The following HS2ST1 variants were observed in gnomAD, a reference collection of about 807,000 sequenced individuals.
The protein encoded by HS2ST1 is heparan sulfate 2-O-sulfotransferase 1.
In HS2ST1, 18 loss-of-function variants were observed where a neutral mutation model predicts 42.9. That is an observed-to-expected ratio of 0.42 (90% CI 0.29 to 0.62). The LOEUF (loss-of-function observed/expected upper bound fraction) is 0.62, where lower values mean the gene tolerates loss of function less well. Among genes scored for constraint, HS2ST1 ranks in the 20% least tolerant of loss-of-function variants. The pLI is 0.21. For missense variants in HS2ST1, 334 were observed against 433.8 expected, an observed-to-expected ratio of 0.77 and a Z score of 2.04; for synonymous variants, 146 against 152.9, an observed-to-expected ratio of 0.95 and a Z score of 0.33.
At chr1:86,939,112 T>C (rs1228079873) in intron 1 of HS2ST1, among the ~76,000 whole-genome samples, 8 of 152,214 alleles carry the variant, frequency 5.3e-5, no homozygotes, top group Non-Finnish European at 1.2e-4. Context: ...CTGAGGTTAC[T>C]TTCAGTCTTG....
chr1:87,098,051 A>G (rs1652112046), intron 5 of HS2ST1, 116 bp downstream of exon 5: 1 of 1,500,440 alleles, frequency 6.7e-7, no homozygotes, highest in East Asian at 2.4e-5. Flanking sequence ...ACTAAAAATA[A>G]CATGTAATTC....
At chr1:86,977,516 T>C (rs1648454754) in intron 1 of HS2ST1, among the ~76,000 whole-genome samples, 8 of 152,264 alleles carry the variant, frequency 5.3e-5, no homozygotes, top group Admixed American at 5.2e-4. Context: ...TAAAATAATG[T>C]GACTATTGTG....
chr1:86,982,291 A>G (rs1380164857), intron 1 of HS2ST1, among the ~76,000 whole-genome samples: 5 of 152,036 alleles, frequency 3.3e-5, no homozygotes, highest in Non-Finnish European at 7.4e-5. Flanking sequence ...CTCTAGAGAC[A>G]TTTTCTCCAT....
chr1:86,929,626 G>A (rs911877653), intron 1 of HS2ST1, among the ~76,000 whole-genome samples: 1 of 151,736 alleles, frequency 6.6e-6, no homozygotes, highest in African/African-American at 2.4e-5. Flanking sequence ...GTTTTTGCAT[G>A]TGTATATGTA....
chr1:86,981,894 C>A (rs1648605377), intron 1 of HS2ST1, among the ~76,000 whole-genome samples: 1 of 152,238 alleles, frequency 6.6e-6, no homozygotes, highest in African/African-American at 2.4e-5. Context: ...GGGCTCCAAC[C>A]CCACATTTCC....
At chr1:86,987,328 C>T (rs1044784089) in intron 1 of HS2ST1, among the ~76,000 whole-genome samples, 1 of 151,984 alleles carries the variant, frequency 6.6e-6, no homozygotes, top group Non-Finnish European at 1.5e-5. Context: ...TATGCCTCGG[C>T]CCCCCAAAGT....
intron 1 of HS2ST1, among the ~76,000 whole-genome samples, chr1:87,004,478 T>G (rs1649380373): frequency 6.6e-6 from 1 of 152,198 alleles, no homozygotes; most frequent in Non-Finnish European, 1.5e-5. Flanking sequence ...ATTTTTTTCC[T>G]TACCCTTTTG....
rs543400784 is a variant in HS2ST1, at chr1:87,012,215, T to C, written c.125-60719T>C. On this transcript the variant is annotated intron_variant, in intron 1 of 6. Coordinates refer to ENST00000370550, the MANE Select transcript of HS2ST1 (RefSeq NM_012262.4). ...TTTCTATCACTGTCAATATTTGTAT[T>C]AGTCTGTTCTCACACTGCTAATAAA... is the stretch of plus-strand genomic sequence containing the variant. Among the ~76,000 whole-genome samples the C allele has an allele frequency of 3.9e-5, 6 of 152,294 alleles. No individual in the cohort carries two copies. The East Asian group carries it at 1.2e-3, about 29-fold the overall frequency.
At chr1:87,052,854 A>G (rs1650870649) in intron 1 of HS2ST1, among the ~76,000 whole-genome samples, 1 of 152,228 alleles carries the variant, frequency 6.6e-6, no homozygotes, top group African/African-American at 2.4e-5. Context: ...TAATAAGCCA[A>G]CAGAAATGCC....
In HS2ST1 at chr1:87,088,583, G is replaced by A. The variant is rs1570540310; in HGVS notation, c.450-3948G>A. On this transcript the variant is annotated intron_variant, in intron 3 of 6. Transcript: ENST00000370550. ...ACTTCTCTTGGATAAAAACCTCAAA[G>A]TGGGATGGCTGGATTGTATGGTAAC... 7.2e-5 allele frequency among the ~76,000 whole-genome samples: 11 copies of A among 152,126 alleles called. No homozygotes were observed. In the South Asian group the frequency reaches 2.3e-3, roughly 32 times the overall value.
At chr1:87,015,354 T>C (rs1272521481) in intron 1 of HS2ST1, among the ~76,000 whole-genome samples, 2 of 149,596 alleles carry the variant, frequency 1.3e-5, no homozygotes, top group Non-Finnish European at 3.0e-5. Flanking sequence ...CCCTGTTTTT[T>C]TTTTTTTTTT....
intron 1 of HS2ST1, among the ~76,000 whole-genome samples, chr1:87,039,612 G>A (rs1372141485): frequency 6.6e-6 from 1 of 152,176 alleles, no homozygotes; most frequent in Non-Finnish European, 1.5e-5. Flanking sequence ...TCCAGGACAG[G>A]TGTCATCCAT....
chr1:87,079,864 C>CA (rs1224652167), intron 2 of HS2ST1, among the ~76,000 whole-genome samples: 2,013 of 95,340 alleles, frequency 0.021, 43 homozygotes, highest in African/African-American at 0.065. Flanking sequence ...AACAACTCTA[C>CA]AAAAAAAAAA....
In HS2ST1 at chr1:86,982,214, T is replaced by TAC. The variant is rs569129756; in HGVS notation, c.124+67055_124+67056dup. Among the ~76,000 whole-genome samples, 56 of 152,270 alleles carry TAC rather than the reference T, an allele frequency of 3.7e-4. No homozygotes were observed. In the East Asian group the frequency reaches 9.3e-3, roughly 25 times the overall value. On this transcript the variant is annotated intron_variant, in intron 1 of 6. Coordinates refer to ENST00000370550, the MANE Select transcript of HS2ST1 (RefSeq NM_012262.4). ...AGAGCAGCAGAGGCCCAGCTGATGA[T>TAC]ACCACTGTTCCTTCTTAGGCCTCTG...
intron 1 of HS2ST1, among the ~76,000 whole-genome samples, chr1:87,068,768 A>G (rs966339236): frequency 6.6e-6 from 1 of 152,364 alleles, no homozygotes; most frequent in East Asian, 1.9e-4. Flanking sequence ...GTAACGCTAT[A>G]TACTATATTC....
At chr1:86,915,226 C>G in intron 1 of HS2ST1, 66 bp downstream of exon 1, 1 of 1,538,372 alleles carries the variant, frequency 6.5e-7, no homozygotes, top group Middle Eastern at 1.8e-4. Flanking sequence ...GCCGCCGGAG[C>G]AAGTGGGCGT....
intron 1 of HS2ST1, among the ~76,000 whole-genome samples, chr1:87,005,803 G>A (rs543624704): frequency 5.9e-5 from 9 of 152,176 alleles, no homozygotes; most frequent in East Asian, 3.9e-4. Context: ...TGAAGGATTC[G>A]CCTATGATAA....
At chr1:86,950,077 A>G (rs749733709) in intron 1 of HS2ST1, among the ~76,000 whole-genome samples, 1 of 152,232 alleles carries the variant, frequency 6.6e-6, no homozygotes, top group African/African-American at 2.4e-5. Context: ...ATTTGGTGAA[A>G]GATTGTTGGG....
intron 1 of HS2ST1, among the ~76,000 whole-genome samples, chr1:87,057,880 T>C (rs1365494428): frequency 3.3e-5 from 5 of 151,422 alleles, no homozygotes; most frequent in Non-Finnish European, 7.4e-5. Context: ...GAAAAAAAAC[T>C]GTATTTTTTG....
Sources: gnomAD v4.1 joint callset for allele counts (sites outside exome capture counted in the v4.1 genomes callset) on GRCh38, gnomAD v4.1.1 for gene constraint, MANE v1.5 for transcripts, NCBI Gene and HGNC (gene_info 2026-07-23, HGNC 2026-07-21) for gene names.